CCN6: variants seen among roughly 807,000 people sequenced by gnomAD.
CCN6 encodes CCN family member 6.
A neutral mutation model predicts 37.4 loss-of-function variants in CCN6; 31 were observed. The ratio of observed to expected loss-of-function variants is 0.83; its 90% confidence interval spans 0.62 to 1.12. CCN6 has a LOEUF of 1.12. Ranked by LOEUF, CCN6 falls within the 50% of genes most tolerant of loss-of-function variation. The pLI is 0.00. For missense variants in CCN6, 369 were observed against 413.8 expected, an observed-to-expected ratio of 0.89 and a Z score of 0.94; for synonymous variants, 137 against 142.1, an observed-to-expected ratio of 0.96 and a Z score of 0.26.
At chr6:112,067,609 T>C (rs1562598719) in intron 3 of CCN6, among the ~76,000 whole-genome samples, 1 of 152,158 alleles carries the variant, frequency 6.6e-6, no homozygotes. Flanking sequence ...TTAAGTTGAA[T>C]GAATGAAATT....
intron 2 of CCN6, among the ~76,000 whole-genome samples, chr6:112,063,009 C>T (rs370983754): frequency 2.1e-4 from 32 of 152,096 alleles, no homozygotes; most frequent in African/African-American, 6.5e-4. Context: ...ATAAGAATAA[C>T]GTTTTTATGA....
At chr6:112,058,851 C>G (rs1001389167) in intron 1 of CCN6, among the ~76,000 whole-genome samples, 9 of 152,180 alleles carry the variant, frequency 5.9e-5, no homozygotes, top group Non-Finnish European at 1.0e-4. Flanking sequence ...AGGAAGAAAT[C>G]CAGATGGTTT....
chr6:112,054,698 A>G (rs1197308484), intron 1 of CCN6: 8 of 404,530 alleles, frequency 2.0e-5, no homozygotes, highest in Non-Finnish European at 3.7e-5. Context: ...AGCAGAGCCT[A>G]AGGCACAGCC....
At chr6:112,060,887 A>G (rs1776494071) in intron 1 of CCN6, 104 bp from the exon 2 acceptor site, 6 of 1,336,152 alleles carry the variant, frequency 4.5e-6, no homozygotes, top group Non-Finnish European at 6.3e-6. Flanking sequence ...TAATGATTGT[A>G]ACTCACCACT....
chr6:112,065,550 T>C (rs1554313740), intron 3 of CCN6, among the ~76,000 whole-genome samples: 1 of 127,032 alleles, frequency 7.9e-6, no homozygotes. Flanking sequence ...GCTCAATTGT[T>C]AATCTCTCTG....
chr6:112,064,927 G>A lies in CCN6; in HGVS notation c.519G>A (p.Lys173=). ...GCTCTGGAGCTAAAGGTGGAAAGAA[G>A]TCTGATCAGTCAAACTGTAGCCTGG... ...SHCSGAKGGK[K]SDQSNCSLEP... is the part of the protein sequence containing the mutation. The change falls in exon 3 of 5, where the codon AAG becomes AAA. Residue 173 remains lysine (K), a synonymous_variant. Coordinates refer to ENST00000368666, the MANE Select transcript of CCN6 (RefSeq NM_198239.2). The A allele has an allele frequency of 1.2e-6, 2 of 1,614,066 alleles. No homozygotes were observed. The highest frequency in any genetic ancestry group is 1.7e-6 in the Non-Finnish European group (2 of 1,179,948).
chr6:112,062,783 T>C (rs980619899), intron 2 of CCN6, among the ~76,000 whole-genome samples: 2 of 152,238 alleles, frequency 1.3e-5, no homozygotes, highest in Non-Finnish European at 2.9e-5. Flanking sequence ...TCTAGTTGGC[T>C]CTTTTCAGAA....
intron 1 of CCN6, among the ~76,000 whole-genome samples, chr6:112,057,773 G>T (rs1316077704): frequency 6.6e-6 from 1 of 152,104 alleles, no homozygotes; most frequent in Non-Finnish European, 1.5e-5. Flanking sequence ...GTAGAATGAG[G>T]CAAGCAATAC....
intron 3 of CCN6, among the ~76,000 whole-genome samples, chr6:112,067,938 T>C (rs1776746998): frequency 6.6e-6 from 1 of 151,908 alleles, no homozygotes; most frequent in Non-Finnish European, 1.5e-5. Flanking sequence ...AGCAGAAAAA[T>C]GCAAATGAGT....
Position 112,054,200 on chromosome 6 carries a change from T to C in CCN6, c.-158T>C. The C allele has an allele frequency of 1.0e-6, 1 of 972,074 alleles. No individual in the cohort carries two copies. The highest frequency in any genetic ancestry group is 1.7e-6 in the Non-Finnish European group (1 of 593,886). The allele number at this position is 972,074 out of a possible 1,614,324, so 60.2% of individuals were successfully genotyped here. A position where few individuals can be genotyped will look rare whatever the true frequency, so the allele number is the denominator to read the frequency against. On this transcript the variant is annotated 5_prime_UTR_variant, in exon 1 of 5. Transcript: ENST00000368666. ...TAAAACGGATCCTTAAAAATGAAAG[T>C]GCAGGCTGAAAGTTGGTAGTGTGGG...
At position 112,064,791 on chromosome 6, in the gene CCN6, A is replaced by G. The variant is rs1380094975; in HGVS notation, c.383A>G (p.His128Arg). 3 of 1,614,058 alleles carry G rather than the reference A, an allele frequency of 1.9e-6. No homozygotes were observed. Among genetic ancestry groups the G allele is most frequent in the Non-Finnish European group, 2.5e-6 (3 of 1,179,940 alleles). The stretch of plus-strand genomic sequence containing the variant: ...GTTGGGTGCGAGTTCAACCAGGTAC[A>G]TTATCATAATGGCCAAGTGTTTCAG... ...VAVGCEFNQV[H>R]YHNGQVFQPN... The change falls in exon 3 of 5, where the codon CAT becomes CGT. Residue 128 changes from histidine to arginine, a missense_variant. His to Arg is a conservative substitution (Grantham distance 29, BLOSUM62 0). Transcript: ENST00000368666.
chr6:112,068,111 TCA>T, intron 3 of CCN6, 92 bp from the exon 4 acceptor site: 1 of 1,070,796 alleles, frequency 9.3e-7, no homozygotes, highest in Non-Finnish European at 1.3e-6. Context: ...ACAAAAATAC[TCA>T]GATTTCTTAA....
intron 1 of CCN6, 86 bp from the exon 2 acceptor site, chr6:112,060,905 C>T: frequency 6.7e-7 from 1 of 1,503,158 alleles, no homozygotes; most frequent in Non-Finnish European, 9.2e-7. Context: ...ACTCTGTATA[C>T]TACCTGTTTG....
At chr6:112,065,618 ACACG>A (rs1252880112) in intron 3 of CCN6, among the ~76,000 whole-genome samples, 4 of 130,232 alleles carry the variant, frequency 3.1e-5, no homozygotes, top group Admixed American at 7.2e-5. Flanking sequence ...ACGCACACAC[ACACG>A]CACGCACACA....
Position 112,061,155 on chromosome 6 carries a change from C to A in CCN6, c.213C>A (p.Gly71=), listed in dbSNP as rs1776507943. 6.2e-7 allele frequency: 1 copy of A among 1,614,002 alleles called. No homozygotes were observed. The highest frequency in any genetic ancestry group is 1.3e-5 in the African/African-American group (1 of 74,908). Residue 71 remains glycine, a synonymous_variant, in exon 2 of 5, where the codon GGC becomes GGA. Coordinates refer to ENST00000368666, the MANE Select transcript of CCN6 (RefSeq NM_198239.2). Reference sequence around the variant, plus strand: ...CTGGAGTGAGCCTGGTGAGAGATGGCTGTGGATGCTGTAAAATCTGTGCCA... The same window carrying A: ...CTGGAGTGAGCCTGGTGAGAGATGGATGTGGATGCTGTAAAATCTGTGCCA... ...CPPGVSLVRD[G]CGCCKICAKQ... is the part of the protein sequence containing the mutation.
chr6:112,052,933 C>T (rs587628972), upstream of CCN6, among the ~76,000 whole-genome samples: 16 of 152,316 alleles, frequency 1.1e-4, no homozygotes, highest in South Asian at 2.7e-3. Flanking sequence ...CCCAGGCCCT[C>T]AGCTCAGGCC....
intron 1 of CCN6, among the ~76,000 whole-genome samples, chr6:112,056,863 T>G (rs948834495): frequency 7.2e-5 from 11 of 152,138 alleles, no homozygotes; most frequent in Non-Finnish European, 1.2e-4. Context: ...AGGTTGTTTT[T>G]TTTTCCTTTC....
intron 1 of CCN6, among the ~76,000 whole-genome samples, chr6:112,057,499 G>A (rs1428525655): frequency 6.6e-6 from 1 of 152,066 alleles, no homozygotes; most frequent in East Asian, 1.9e-4. Flanking sequence ...CATAGGAGAG[G>A]GTCACTGAAT....
At chr6:112,067,115 C>T in intron 3 of CCN6, 2 of 1,057,382 alleles carry the variant, frequency 1.9e-6, no homozygotes, top group Non-Finnish European at 2.6e-6. Context: ...AAAGCAGTGT[C>T]ACAGTATCAA....
Sources: gnomAD v4.1 joint callset for allele counts (sites outside exome capture counted in the v4.1 genomes callset) on GRCh38, gnomAD v4.1.1 for gene constraint, MANE v1.5 for transcripts, NCBI Gene and HGNC (gene_info 2026-07-23, HGNC 2026-07-21) for gene names.